AKAP19: variants seen among roughly 807,000 people sequenced by gnomAD.
AKAP19 encodes the protein A-kinase anchoring protein 19.
the AKAP19 span, among the ~76,000 whole-genome samples, chr2:190,192,450 ATCTG>A: frequency 3.2e-5 from 3 of 93,786 alleles, no homozygotes; most frequent in East Asian, 2.7e-4. Context: ...ATAATTCAGA[ATCTG>A]TGTGTGTGTG....
chr2:190,181,115 T>C, the AKAP19 span: 1 of 985,578 alleles, frequency 1.0e-6, no homozygotes, highest in Non-Finnish European at 1.2e-6. Context: ...GTTGTGTAAG[T>C]GAACATCTGG....
chr2:189,953,172 A>T, the AKAP19 span, among the ~76,000 whole-genome samples: 1 of 152,188 alleles, frequency 6.6e-6, no homozygotes, highest in Non-Finnish European at 1.5e-5. Context: ...GACAGGCTGC[A>T]TCTAAAAGGG....
At chr2:189,975,118 C>A in the AKAP19 span, among the ~76,000 whole-genome samples, 1 of 152,144 alleles carries the variant, frequency 6.6e-6, no homozygotes, top group East Asian at 1.9e-4. Context: ...GTGGCTGGTA[C>A]CAGTTGTTCC....
At chr2:189,974,230 G>A in the AKAP19 span, among the ~76,000 whole-genome samples, 1 of 152,060 alleles carries the variant, frequency 6.6e-6, no homozygotes, top group Admixed American at 6.6e-5. Flanking sequence ...CCCTCATTTC[G>A]TTATGACCCA....
chr2:190,003,639 G>A, the AKAP19 span, among the ~76,000 whole-genome samples: 3 of 152,060 alleles, frequency 2.0e-5, no homozygotes, highest in Non-Finnish European at 4.4e-5. Context: ...CACAAGCGGC[G>A]GATCTCTTGA....
chr2:189,994,758 C>A, the AKAP19 span, among the ~76,000 whole-genome samples: 31 of 151,750 alleles, frequency 2.0e-4, 1 homozygote, highest in Admixed American at 1.9e-3. Context: ...GCCACCACAC[C>A]CAGCTAATTT....
the AKAP19 span, among the ~76,000 whole-genome samples, chr2:190,100,687 A>C: frequency 1.3e-5 from 2 of 152,206 alleles, no homozygotes; most frequent in African/African-American, 2.4e-5. Context: ...AACAATTAGA[A>C]ATTTTTTTTT....
the AKAP19 span, among the ~76,000 whole-genome samples, chr2:189,928,843 T>G: frequency 1.3e-5 from 2 of 152,170 alleles, no homozygotes; most frequent in African/African-American, 4.8e-5. Context: ...ATTTCTGATT[T>G]CTTTGTTAGG....
the AKAP19 span, among the ~76,000 whole-genome samples, chr2:189,896,977 A>G: frequency 6.6e-6 from 1 of 152,096 alleles, no homozygotes; most frequent in Non-Finnish European, 1.5e-5. Context: ...AAGACTGTGG[A>G]CTTTGAGGCA....
the AKAP19 span, among the ~76,000 whole-genome samples, chr2:189,906,260 C>G: frequency 5.3e-5 from 8 of 152,052 alleles, no homozygotes; most frequent in African/African-American, 7.2e-5. Flanking sequence ...AGTTCCTTAA[C>G]TTTTACAAAT....
chr2:190,003,873 A>G, the AKAP19 span, among the ~76,000 whole-genome samples: 1 of 151,298 alleles, frequency 6.6e-6, no homozygotes, highest in Non-Finnish European at 1.5e-5. Flanking sequence ...TATAAAGAGA[A>G]AAAAAAAAGT....
At chr2:190,063,434 A>G in the AKAP19 span, among the ~76,000 whole-genome samples, 2 of 152,140 alleles carry the variant, frequency 1.3e-5, no homozygotes, top group African/African-American at 2.4e-5. Context: ...ATGCAGATTA[A>G]CATAACTCAG....
the AKAP19 span, among the ~76,000 whole-genome samples, chr2:190,173,005 C>T: frequency 3.3e-4 from 50 of 152,036 alleles, no homozygotes; most frequent in Non-Finnish European, 6.6e-4. Context: ...ATCTCAGCTA[C>T]TCCAGAGGCT....
At chr2:190,200,307 T>C in the AKAP19 span, 2 of 650,454 alleles carry the variant, frequency 3.1e-6, no homozygotes, top group Non-Finnish European at 5.4e-6. Flanking sequence ...AAATGCATTT[T>C]AAGTACTTCT....
the AKAP19 span, among the ~76,000 whole-genome samples, chr2:190,140,349 C>A: frequency 1.3e-5 from 2 of 152,188 alleles, no homozygotes; most frequent in Non-Finnish European, 2.9e-5. Context: ...TAGGCAGTGC[C>A]CCAGTGGGAT....
chr2:189,921,640 G>T, the AKAP19 span, among the ~76,000 whole-genome samples: 44 of 152,266 alleles, frequency 2.9e-4, no homozygotes, highest in Admixed American at 1.2e-3. Context: ...GCAATAAATA[G>T]CATGTGTATG....
At chr2:190,153,959 A>G in the AKAP19 span, among the ~76,000 whole-genome samples, 1 of 152,184 alleles carries the variant, frequency 6.6e-6, no homozygotes, top group Admixed American at 6.5e-5. Context: ...CTCTCTAAAG[A>G]TTCCTCTGTG....
At chr2:189,963,700 G>C in the AKAP19 span, among the ~76,000 whole-genome samples, 1 of 151,884 alleles carries the variant, frequency 6.6e-6, no homozygotes, top group Admixed American at 6.6e-5. Context: ...GAGGTTGTCA[G>C]TTTACTTTGC....
the AKAP19 span, among the ~76,000 whole-genome samples, chr2:190,052,881 GTAT>G: frequency 6.6e-6 from 1 of 152,008 alleles, no homozygotes; most frequent in Non-Finnish European, 1.5e-5. Context: ...TCAGAATCTG[GTAT>G]TATGTTTTAC....
Sources: allele counts gnomAD v4.1 joint callset (sites outside exome capture counted in the v4.1 genomes callset), GRCh38; gene constraint gnomAD v4.1.1; transcripts MANE v1.5; gene names NCBI Gene and HGNC (gene_info 2026-07-23, HGNC 2026-07-21).